Variants in C4orf51 observed in about 807,000 individuals in gnomAD.
C4orf51 encodes the protein chromosome 4 open reading frame 51.
In C4orf51, 25 loss-of-function variants were observed where a neutral mutation model predicts 25.2. The observed-to-expected ratio is 0.99, with a 90% CI of 0.72 to 1.39. The LOEUF (loss-of-function observed/expected upper bound fraction) is 1.39. Among genes scored for constraint, C4orf51 ranks in the 40% most tolerant of loss-of-function variants. The pLI is 0.00. For synonymous variants in C4orf51, 100 were observed against 84.5 expected, an observed-to-expected ratio of 1.18 and a Z score of -1.01; for missense variants, 252 against 239.6, an observed-to-expected ratio of 1.05 and a Z score of -0.34.
chr4:145,718,549 G>A (rs1731542094), intron 2 of C4orf51, among the ~76,000 whole-genome samples: 1 of 152,186 alleles, frequency 6.6e-6, no homozygotes, highest in Admixed American at 6.5e-5. Context: ...AAAGCAGTAA[G>A]AAGTCACTGG....
At chr4:145,697,959 G>T (rs1309757296) in intron 2 of C4orf51, among the ~76,000 whole-genome samples, 1 of 152,054 alleles carries the variant, frequency 6.6e-6, no homozygotes, top group Admixed American at 6.5e-5. Context: ...AGTGGATAAG[G>T]GTTTCCTTTT....
At chr4:145,759,647 T>C (rs1198265808) in intron 1 of C4orf51, 1 of 151,992 alleles carries the variant, frequency 6.6e-6, no homozygotes, top group Non-Finnish European at 1.5e-5. Flanking sequence ...TACAGTCTAC[T>C]CATTCCATAA....
At chr4:145,691,337 T>C (rs890895934) in intron 1 of C4orf51, among the ~76,000 whole-genome samples, 1 of 152,198 alleles carries the variant, frequency 6.6e-6, no homozygotes, top group Non-Finnish European at 1.5e-5. Context: ...ATTTATACAC[T>C]GTTGGTGGGA....
intron 2 of C4orf51, among the ~76,000 whole-genome samples, chr4:145,702,506 ATC>A (rs1194674327): frequency 2.0e-5 from 3 of 151,960 alleles, no homozygotes; most frequent in African/African-American, 7.3e-5. Flanking sequence ...TTTCATCCTC[ATC>A]TGTTAGTCAT....
chr4:145,707,219 G>A (rs1322411495), intron 2 of C4orf51, among the ~76,000 whole-genome samples: 2 of 152,162 alleles, frequency 1.3e-5, no homozygotes, highest in Non-Finnish European at 2.9e-5. Flanking sequence ...GATTACAGGC[G>A]TGAGCCACCG....
At chr4:145,740,240 CAAAAAAAAAAAAAAAA>C (rs60310006) in intron 1 of C4orf51, among the ~76,000 whole-genome samples, 58,300 of 106,546 alleles carry the variant, frequency 0.55, 14,059 homozygotes, top group Middle Eastern at 0.63. Context: ...TCCCTTTCTG[CAAAAAAAAAAAAAAAA>C]AAAAAAAAAA....
intron 1 of C4orf51, among the ~76,000 whole-genome samples, chr4:145,769,189 A>G (rs1302833047): frequency 6.6e-6 from 1 of 151,996 alleles, no homozygotes; most frequent in African/African-American, 2.4e-5. Context: ...TAGAACTGCA[A>G]GTATGTGACC....
intron 2 of C4orf51, among the ~76,000 whole-genome samples, chr4:145,706,915 G>T (rs560997028): frequency 6.6e-6 from 1 of 150,808 alleles, no homozygotes; most frequent in Non-Finnish European, 1.5e-5. Flanking sequence ...GGGTTCAAGC[G>T]ATTCTCCTGC....
chr4:145,784,570 G>T, the C4orf51 span, among the ~76,000 whole-genome samples: 18 of 152,148 alleles, frequency 1.2e-4, no homozygotes, highest in African/African-American at 4.3e-4. Flanking sequence ...TGTTGGGAAA[G>T]AAAAACCTTA....
downstream of C4orf51, among the ~76,000 whole-genome samples, chr4:145,736,263 T>C (rs1732798477): frequency 6.6e-6 from 1 of 151,748 alleles, no homozygotes; most frequent in Non-Finnish European, 1.5e-5. Context: ...CGCTCTCAGC[T>C]AGGCATGAGG....
rs375242341 is a variant in C4orf51, at chr4:145,683,754, A to G, written c.233+3318A>G. Reference sequence around the variant, plus strand: ...ATTCACAAAAATTAACTCAAAATGGATCATAGACCTAAATGTAAAATGCAA... The same window carrying G: ...ATTCACAAAAATTAACTCAAAATGGGTCATAGACCTAAATGTAAAATGCAA... On this transcript the variant is annotated intron_variant, in intron 1 of 5. Coordinates refer to ENST00000438731, the MANE Select transcript of C4orf51 (RefSeq NM_001080531.3). Among the ~76,000 whole-genome samples, 15 of 152,356 alleles carry G rather than the reference A, an allele frequency of 9.8e-5. No homozygotes were observed. The East Asian group carries it at 1.7e-3, about 18-fold the overall frequency.
intron 5 of C4orf51, 89 bp from the exon 6 acceptor site, chr4:145,732,364 G>C: frequency 1.3e-6 from 1 of 765,984 alleles, no homozygotes; most frequent in Non-Finnish European, 2.2e-6. Context: ...ATGATGTCTG[G>C]TTTGGAAGAG....
chr4:145,729,078 TGGGGA>T, intron 3 of C4orf51, 86 bp from the exon 4 acceptor site: 1 of 885,774 alleles, frequency 1.1e-6, no homozygotes, highest in Admixed American at 2.0e-5. Flanking sequence ...AATGCAGGGG[TGGGGA>T]GGAACAATGT....
At chr4:145,774,453 TG>T, downstream of C4orf51, 1 of 1,567,794 alleles carries the variant, frequency 6.4e-7, no homozygotes, top group Non-Finnish European at 8.7e-7. Flanking sequence ...GCAGGTGCTC[TG>T]GGGTGCAGGG....
intron 2 of C4orf51, among the ~76,000 whole-genome samples, chr4:145,706,053 A>G: frequency 6.6e-6 from 1 of 151,992 alleles, no homozygotes; most frequent in African/African-American, 2.4e-5. Context: ...GTTCACAGGA[A>G]TAAGCAGGGT....
chr4:145,789,184 C>T, the C4orf51 span, among the ~76,000 whole-genome samples: 2 of 152,002 alleles, frequency 1.3e-5, no homozygotes, highest in East Asian at 1.9e-4. Context: ...GGTGGGTCCT[C>T]GATATTTTCC....
chr4:145,778,580 CCA>C, the C4orf51 span, among the ~76,000 whole-genome samples: 2 of 152,068 alleles, frequency 1.3e-5, no homozygotes, highest in Non-Finnish European at 2.9e-5. Flanking sequence ...CCACTGCACT[CCA>C]GTCTGGGTGA....
chr4:145,715,906 T>C lies in C4orf51; in HGVS notation c.308-11005T>C, dbSNP rs192699131. Among the ~76,000 whole-genome samples, 16 of 152,304 alleles carry C rather than the reference T, an allele frequency of 1.1e-4. No homozygotes were observed. In the East Asian group the frequency reaches 1.9e-3, roughly 18 times the overall value. On this transcript the variant is annotated intron_variant, in intron 2 of 5. Transcript: ENST00000438731. ...AGAATGTAACTTCCCAGAATGTAAC[T>C]TCCACCAGAGCTTGGAGCTCTGGGT... is the stretch of plus-strand genomic sequence containing the variant.
At chr4:145,785,975 G>A in the C4orf51 span, among the ~76,000 whole-genome samples, 1 of 152,130 alleles carries the variant, frequency 6.6e-6, no homozygotes, top group African/African-American at 2.4e-5. Flanking sequence ...AGTGTAATAT[G>A]TCAAAACTTA....
Sources: gnomAD v4.1 joint callset for allele counts (sites outside exome capture counted in the v4.1 genomes callset) on GRCh38, gnomAD v4.1.1 for gene constraint, MANE v1.5 for transcripts, NCBI Gene and HGNC (gene_info 2026-07-23, HGNC 2026-07-21) for gene names.